Variants in MME observed in about 807,000 individuals in gnomAD.
MME encodes the protein neprilysin.
MME carries 98 observed loss-of-function variants against 113.2 expected under a neutral mutation model. The ratio of observed to expected loss-of-function variants is 0.87; its 90% CI spans 0.74 to 1.02. The LOEUF is 1.02. Among genes scored for constraint, MME ranks in the 50% least tolerant of loss-of-function variants. The probability of loss-of-function intolerance (pLI) is 0.00; values close to 1 mark genes in which losing one functional copy is unlikely to be tolerated. For missense variants in MME, 836 were observed against 896.0 expected (o/e 0.93, Z 0.86); for synonymous variants, 292 against 300.6 (o/e 0.97, Z 0.30).
At chr3:155,036,103 GAA>G (rs756800164) in intron 1 of MME, among the ~76,000 whole-genome samples, 11 of 149,176 alleles carry the variant, frequency 7.4e-5, no homozygotes, top group Admixed American at 5.4e-4. Flanking sequence ...AGATATGAGA[GAA>G]AGAGAAGATT....
intron 1 of MME, among the ~76,000 whole-genome samples, chr3:155,043,483 C>G (rs1051648220): frequency 6.6e-6 from 1 of 151,998 alleles, no homozygotes; most frequent in Non-Finnish European, 1.5e-5. Flanking sequence ...CAGGCATGCA[C>G]CACCACGCCC....
intron 22 of MME, among the ~76,000 whole-genome samples, chr3:155,179,880 A>G (rs558131513): frequency 6.6e-6 from 1 of 152,314 alleles, no homozygotes; most frequent in South Asian, 2.1e-4. Context: ...AAAAATATCT[A>G]TTTAAAGTCT....
intron 17 of MME, among the ~76,000 whole-genome samples, chr3:155,162,587 T>C (rs1405407584): frequency 6.6e-6 from 1 of 152,148 alleles, no homozygotes; most frequent in Non-Finnish European, 1.5e-5. Context: ...CTTGCCTGGT[T>C]CTTGAACAGC....
At chr3:155,127,991 C>T (rs533711868) in intron 8 of MME, among the ~76,000 whole-genome samples, 4 of 152,304 alleles carry the variant, frequency 2.6e-5, no homozygotes, top group African/African-American at 4.8e-5. Flanking sequence ...CTAGCAAACA[C>T]GCAGCATGCT....
chr3:155,092,209 C>T (rs1001232002), intron 3 of MME, among the ~76,000 whole-genome samples: 3 of 152,290 alleles, frequency 2.0e-5, no homozygotes, highest in Admixed American at 6.5e-5. Context: ...AACATCCTCA[C>T]GGATGCACCC....
At chr3:155,121,884 T>C (rs1417193140) in intron 8 of MME, among the ~76,000 whole-genome samples, 10 of 55,448 alleles carry the variant, frequency 1.8e-4, no homozygotes, top group Non-Finnish European at 2.2e-4. Flanking sequence ...TTCTCTTTTT[T>C]GGTTGTGTCT....
intron 22 of MME, among the ~76,000 whole-genome samples, chr3:155,175,716 A>G (rs937715959): frequency 6.6e-6 from 1 of 152,080 alleles, no homozygotes; most frequent in African/African-American, 2.4e-5. Context: ...AATGTTTCTC[A>G]CAGCTTAATT....
intron 1 of MME, among the ~76,000 whole-genome samples, chr3:155,058,442 TA>T (rs2108133416): frequency 1.3e-5 from 2 of 152,288 alleles, no homozygotes; most frequent in South Asian, 4.1e-4. Context: ...AATGTAATCT[TA>T]ACAAATAAAA....
intron 1 of MME, among the ~76,000 whole-genome samples, chr3:155,074,206 G>A (rs1338200035): frequency 6.6e-6 from 1 of 151,868 alleles, no homozygotes; most frequent in Admixed American, 6.6e-5. Context: ...AGGATTTGTT[G>A]TTTTCTTTTT....
chr3:155,114,059 T>G (rs1490388792), intron 3 of MME, among the ~76,000 whole-genome samples: 1 of 152,208 alleles, frequency 6.6e-6, no homozygotes, highest in South Asian at 2.1e-4. Flanking sequence ...AATTAATTAA[T>G]TCATAAAGTG....
chr3:155,089,325 A>G (rs1716069237), intron 3 of MME, among the ~76,000 whole-genome samples: 2 of 152,186 alleles, frequency 1.3e-5, no homozygotes, highest in African/African-American at 4.8e-5. Context: ...TTTCCATTGC[A>G]TTGTAACCTC....
At chr3:155,074,956 T>C (rs572036653), upstream of MME, among the ~76,000 whole-genome samples, 1 of 152,258 alleles carries the variant, frequency 6.6e-6, no homozygotes, top group Middle Eastern at 3.4e-3. Flanking sequence ...TGAAATGTTC[T>C]ATATATTTCT....
chr3:155,147,102 G>A (rs775643736), intron 14 of MME, 42 bp from the exon 15 acceptor site: 2 of 1,270,582 alleles, frequency 1.6e-6, no homozygotes, highest in South Asian at 1.2e-5. Flanking sequence ...GTATCTGAAA[G>A]TTATATAATC....
At chr3:155,119,273 T>A (rs1011077239) in intron 8 of MME, among the ~76,000 whole-genome samples, 4 of 152,122 alleles carry the variant, frequency 2.6e-5, no homozygotes, top group African/African-American at 9.7e-5. Context: ...TCAGACAAAC[T>A]TTTGCAGCTA....
chr3:155,169,947 G>A (rs1405260195), intron 20 of MME, among the ~76,000 whole-genome samples: 1 of 152,136 alleles, frequency 6.6e-6, no homozygotes, highest in Non-Finnish European at 1.5e-5. Flanking sequence ...TCAGCTACAA[G>A]GTTTCCAAAA....
At position 155,084,408 on chromosome 3, in the gene MME, G is replaced by A. The variant is rs373369902; in HGVS notation, c.160+81G>A. ...TCCATGCTTTTACCATCTATCCAAC[G>A]AATGTGTTAAGGATAGAGGCACTTA... On this transcript the variant is annotated intron_variant, in intron 2 of 22. Coordinates refer to ENST00000360490, the MANE Select transcript of MME (RefSeq NM_007289.4). The A allele has an allele frequency of 9.8e-5, 141 of 1,436,876 alleles. 1 individual carries two copies. In the South Asian group the frequency reaches 1.3e-3, roughly 13 times the overall value. The allele number at this position is 1,436,876 out of a possible 1,614,324, so 89.0% of individuals were successfully genotyped here. A position where few individuals can be genotyped will look rare whatever the true frequency, so the allele number is the denominator to read the frequency against.
chr3:155,101,558 T>G (rs1717226053), intron 3 of MME, among the ~76,000 whole-genome samples: 1 of 152,210 alleles, frequency 6.6e-6, no homozygotes, highest in Admixed American at 6.5e-5. Flanking sequence ...ATTTCACTCC[T>G]GGCTCATTCC....
chr3:155,028,570 A>T (rs181743999), intron 1 of MME, among the ~76,000 whole-genome samples: 66 of 152,270 alleles, frequency 4.3e-4, no homozygotes, highest in African/African-American at 1.5e-3. Flanking sequence ...CACTTTATAG[A>T]TGGAGGAACA....
intron 8 of MME, among the ~76,000 whole-genome samples, chr3:155,125,139 G>A (rs537446971): frequency 1.4e-5 from 2 of 142,396 alleles, no homozygotes; most frequent in Admixed American, 7.2e-5. Flanking sequence ...TTTTTAAGCC[G>A]GTCTGAAAAG....
Sources: allele counts gnomAD v4.1 joint callset (sites outside exome capture counted in the v4.1 genomes callset), GRCh38; gene constraint gnomAD v4.1.1; transcripts MANE v1.5; gene names NCBI Gene and HGNC (gene_info 2026-07-23, HGNC 2026-07-21).